The following SMCO2 variants were observed in gnomAD, a reference collection of about 807,000 sequenced individuals.
The protein encoded by SMCO2 is single-pass membrane protein with coiled-coil domains 2, also known as single-pass membrane and coiled-coil domain-containing protein 2.
A neutral mutation model predicts 29.5 loss-of-function variants in SMCO2; 25 were observed. The observed-to-expected ratio is 0.85, with a 90% CI of 0.62 to 1.18. The LOEUF (loss-of-function observed/expected upper bound fraction) is 1.18. Among genes scored for constraint, SMCO2 ranks in the 50% most tolerant of loss-of-function variants. SMCO2 has a pLI of 0.00. For missense variants in SMCO2, 348 were observed against 344.5 expected, an observed-to-expected ratio of 1.01 and a Z score of -0.08; for synonymous variants, 117 against 123.3, an observed-to-expected ratio of 0.95 and a Z score of 0.34.
At chr12:27,431,753 G>T in the SMCO2 span, among the ~76,000 whole-genome samples, 1 of 152,104 alleles carries the variant, frequency 6.6e-6, no homozygotes, top group Non-Finnish European at 1.5e-5. Context: ...CAATTCTTTG[G>T]ACATATACCC....
the SMCO2 span, among the ~76,000 whole-genome samples, chr12:27,438,289 T>A: frequency 6.6e-6 from 1 of 152,216 alleles, no homozygotes; most frequent in Non-Finnish European, 1.5e-5. Context: ...TTCTACTTGC[T>A]TTATTTTCTG....
intron 4 of SMCO2, 130 bp downstream of exon 5, chr12:27,475,861 G>C: frequency 1.0e-6 from 1 of 979,530 alleles, no homozygotes; most frequent in Non-Finnish European, 1.4e-6. Context: ...TGAAATATCT[G>C]TTTATCTTTT....
the SMCO2 span, among the ~76,000 whole-genome samples, chr12:27,440,771 C>G: frequency 1.3e-5 from 2 of 150,370 alleles, no homozygotes; most frequent in Non-Finnish European, 2.9e-5. Context: ...AAGGTAACCA[C>G]AGCATAAAAA....
At chr12:27,497,173 G>T in intron 7 of SMCO2, 2 of 154,644 alleles carry the variant, frequency 1.3e-5, no homozygotes, top group South Asian at 2.0e-4. Context: ...ATACTGAGGA[G>T]GAATTTAAGA....
chr12:27,444,995 G>T, the SMCO2 span, among the ~76,000 whole-genome samples: 1 of 152,184 alleles, frequency 6.6e-6, no homozygotes, highest in Non-Finnish European at 1.5e-5. Context: ...ACACAGTGGA[G>T]TATTATTAAG....
chr12:27,472,663 TC>T (rs555321076), intron 2 of SMCO2, 112 bp from the exon 3 acceptor site: 33 of 655,802 alleles, frequency 5.0e-5, no homozygotes, highest in Non-Finnish European at 8.3e-5. Context: ...TAGCAGATGC[TC>T]CCTGGGACTG....
intron 5 of SMCO2, among the ~76,000 whole-genome samples, chr12:27,493,391 G>T: frequency 6.6e-6 from 1 of 152,030 alleles, no homozygotes; most frequent in South Asian, 2.1e-4. Flanking sequence ...AACTAGCTGG[G>T]CATGGTGGCA....
chr12:27,492,792 A>G (rs1245390430), intron 5 of SMCO2, among the ~76,000 whole-genome samples: 1 of 152,184 alleles, frequency 6.6e-6, no homozygotes, highest in Non-Finnish European at 1.5e-5. Context: ...CAAAGAGCTA[A>G]AAGCAGAACT....
intron 7 of SMCO2, chr12:27,497,849 G>A: frequency 3.4e-6 from 1 of 291,362 alleles, no homozygotes; most frequent in South Asian, 4.6e-5. Flanking sequence ...GGTGAACAGT[G>A]GACAATCTCT....
chr12:27,486,922 T>C (rs1307347439), intron 4 of SMCO2, among the ~76,000 whole-genome samples: 1 of 152,242 alleles, frequency 6.6e-6, no homozygotes, highest in East Asian at 1.9e-4. Context: ...TTTTTAACTT[T>C]TTATTTTGAA....
intron 7 of SMCO2, among the ~76,000 whole-genome samples, chr12:27,499,476 T>C (rs1943052063): frequency 6.6e-6 from 1 of 150,488 alleles, no homozygotes; most frequent in South Asian, 2.1e-4. Context: ...GGGTTTCTTT[T>C]TGGGGTGACA....
chr12:27,479,765 A>C (rs1302917225), intron 4 of SMCO2, among the ~76,000 whole-genome samples: 1 of 152,176 alleles, frequency 6.6e-6, no homozygotes, highest in African/African-American at 2.4e-5. Flanking sequence ...CTTGCCTGCC[A>C]CCATGTAAGA....
chr12:27,479,921 C>T (rs774360715), intron 4 of SMCO2, among the ~76,000 whole-genome samples: 8 of 152,166 alleles, frequency 5.3e-5, no homozygotes, highest in Non-Finnish European at 7.3e-5. Context: ...GACTAATACA[C>T]ATGGTGAAGT....
At chr12:27,491,532 G>A (rs1377246792) in intron 5 of SMCO2, among the ~76,000 whole-genome samples, 1 of 152,130 alleles carries the variant, frequency 6.6e-6, no homozygotes, top group Non-Finnish European at 1.5e-5. Context: ...AGGGATTGAT[G>A]ATGAATAAAC....
chr12:27,462,881 C>G (rs540424454), upstream of SMCO2, among the ~76,000 whole-genome samples: 22 of 152,346 alleles, frequency 1.4e-4, no homozygotes, highest in East Asian at 4.0e-3. Context: ...CTCGGCGAAG[C>G]CTTTTGCTAA....
chr12:27,462,342 T>A (rs1334405680), upstream of SMCO2, among the ~76,000 whole-genome samples: 1 of 151,356 alleles, frequency 6.6e-6, no homozygotes, highest in Non-Finnish European at 1.5e-5. Flanking sequence ...CTTACTCCCT[T>A]TCTTTTTCTT....
intron 4 of SMCO2, 80 bp from the exon 6 acceptor site, chr12:27,488,380 T>C: frequency 8.4e-6 from 8 of 949,748 alleles, no homozygotes; most frequent in Non-Finnish European, 1.2e-5. Context: ...TGGTATTTCA[T>C]TTTTGAAAGA....
upstream of SMCO2, among the ~76,000 whole-genome samples, chr12:27,464,321 G>A (rs1340302568): frequency 6.6e-6 from 1 of 152,152 alleles, no homozygotes. Context: ...CGCCCACAGA[G>A]GGAGCTGGCA....
At chr12:27,423,324 C>CTTTTTTTTTTTTTTTTT in the SMCO2 span, 2 of 85,920 alleles carry the variant, frequency 2.3e-5, no homozygotes, top group African/African-American at 4.5e-5. Flanking sequence ...CTTTTCTTTT[C>CTTTTTTTTTTTTTTTTT]TTTTTTTTTT....
Sources: gnomAD v4.1 joint callset for allele counts (sites outside exome capture counted in the v4.1 genomes callset) on GRCh38, gnomAD v4.1.1 for gene constraint, MANE v1.5 for transcripts, NCBI Gene and HGNC (gene_info 2026-07-23, HGNC 2026-07-21) for gene names.